The following ZCCHC24 variants were observed in gnomAD, a reference collection of about 807,000 sequenced individuals.
ZCCHC24 encodes zinc finger CCHC-type containing 24.
In ZCCHC24, 10 loss-of-function variants were observed where a neutral mutation model predicts 26.2. The ratio of observed to expected loss-of-function variants is 0.38; its 90% CI spans 0.24 to 0.65. ZCCHC24 has a LOEUF of 0.65. Among genes scored for constraint, ZCCHC24 ranks in the 30% least tolerant of loss-of-function variants. The pLI is 0.54. For synonymous variants in ZCCHC24, 144 were observed against 147.1 expected (o/e 0.98, Z 0.15); for missense variants, 243 against 329.1 (o/e 0.74, Z 2.03).
intron 1 of ZCCHC24, 62 bp from the exon 2 acceptor site, chr10:79,432,820 C>T (rs1256727715): frequency 5.9e-6 from 9 of 1,528,486 alleles, no homozygotes; most frequent in East Asian, 2.4e-5. Flanking sequence ...CATAACCCCC[C>T]ACCCAAACAC....
At chr10:79,426,647 C>T (rs191022877) in intron 2 of ZCCHC24, among the ~76,000 whole-genome samples, 157 of 151,870 alleles carry the variant, frequency 1.0e-3, no homozygotes, top group African/African-American at 3.5e-3. Flanking sequence ...ATAAGATAAG[C>T]CCTAGAGCAA....
intron 1 of ZCCHC24, among the ~76,000 whole-genome samples, chr10:79,433,465 C>T (rs1003436941): frequency 1.3e-5 from 2 of 152,240 alleles, no homozygotes; most frequent in Admixed American, 6.5e-5. Flanking sequence ...TCAAAGCAGA[C>T]GTGGCCCAGG....
intron 1 of ZCCHC24, among the ~76,000 whole-genome samples, chr10:79,434,842 A>C (rs1857192506): frequency 6.6e-6 from 1 of 152,198 alleles, no homozygotes; most frequent in Admixed American, 6.5e-5. Context: ...CAGCTCCAGA[A>C]CTTTTTCATC....
At chr10:79,436,579 G>A (rs901801746) in intron 1 of ZCCHC24, among the ~76,000 whole-genome samples, 3 of 152,154 alleles carry the variant, frequency 2.0e-5, no homozygotes, top group Non-Finnish European at 4.4e-5. Flanking sequence ...ATCTCTCCCC[G>A]TGTGTGAGGC....
chr10:79,414,312 G>T (rs988038275), intron 2 of ZCCHC24, among the ~76,000 whole-genome samples: 2 of 152,240 alleles, frequency 1.3e-5, no homozygotes, highest in African/African-American at 4.8e-5. Context: ...CAGACATGGA[G>T]AATCTTCATT....
At chr10:79,445,149 C>T (rs1382063680) in intron 1 of ZCCHC24, 46 bp downstream of exon 1, 2 of 836,192 alleles carry the variant, frequency 2.4e-6, no homozygotes, top group Non-Finnish European at 2.7e-6. Flanking sequence ...CACGGTGGGG[C>T]GGTGGGGCGG....
chr10:79,387,628 G>C (rs1022252772), intron 3 of ZCCHC24, among the ~76,000 whole-genome samples: 2 of 62,486 alleles, frequency 3.2e-5, no homozygotes, highest in African/African-American at 1.0e-4. Flanking sequence ...ACATGCCCAG[G>C]AGAGGGGGCA....
Position 79,424,833 on chromosome 10 carries a change from G to A in ZCCHC24, c.447+7725C>T, listed in dbSNP as rs189331809. 3.1e-3 allele frequency among the ~76,000 whole-genome samples: 479 copies of A among 152,286 alleles called. 3 individuals carry two copies. Among genetic ancestry groups the A allele is most frequent in the African/African-American group, 0.011 (471 of 41,558 alleles). Reference sequence around the variant, plus strand: ...GCATATTCCTGTTATTTACACGCTTGCTTGGAAGCCTTCCCCACTCCAAAT... The same window carrying A: ...GCATATTCCTGTTATTTACACGCTTACTTGGAAGCCTTCCCCACTCCAAAT... On this transcript the variant is annotated intron_variant, in intron 2 of 3. Coordinates refer to ENST00000372336, the MANE Select transcript of ZCCHC24 (RefSeq NM_153367.4).
At position 79,445,311 on chromosome 10, in the gene ZCCHC24, G is replaced by A; in HGVS notation, c.130C>T (p.Pro44Ser). Residue 44 changes from proline to serine, a missense_variant, in exon 1 of 4, where the codon CCG becomes TCG. By Grantham distance (74) the Pro-to-Ser change is moderately conservative. Coordinates refer to ENST00000372336, the MANE Select transcript of ZCCHC24 (RefSeq NM_153367.4). ...TCCGGGGGTGCGGCGCCGGCGGTCG[G>A]CTCGGGCCGGAAGGCATCGAAGGCG... The part of the protein sequence containing the change: ...ASAFDAFRPE[P>S]TAGAAPPELA... 1.3e-6 allele frequency: 2 copies of A among 1,502,130 alleles called. No homozygotes were observed. Among genetic ancestry groups the A allele is most frequent in the Non-Finnish European group, 1.8e-6 (2 of 1,125,992 alleles). The allele number at this position is 1,502,130 out of a possible 1,614,324, so 93.1% of individuals were successfully genotyped here.
intron 2 of ZCCHC24, among the ~76,000 whole-genome samples, chr10:79,428,647 G>A (rs1452208613): frequency 6.6e-6 from 1 of 152,054 alleles, no homozygotes; most frequent in Non-Finnish European, 1.5e-5. Context: ...GGAAATTAAT[G>A]AGATAAATAA....
chr10:79,405,430 G>A (rs954638914), intron 2 of ZCCHC24, among the ~76,000 whole-genome samples: 10 of 152,240 alleles, frequency 6.6e-5, no homozygotes, highest in Admixed American at 3.3e-4. Flanking sequence ...GTGGACAGCA[G>A]AAGTTAGGGC....
intron 2 of ZCCHC24, among the ~76,000 whole-genome samples, chr10:79,427,327 A>G (rs910247849): frequency 4.6e-5 from 7 of 152,248 alleles, no homozygotes; most frequent in Non-Finnish European, 1.0e-4. Context: ...AGACATCACT[A>G]TGAACCAACT....
intron 2 of ZCCHC24, among the ~76,000 whole-genome samples, chr10:79,402,214 G>C (rs1393472626): frequency 6.6e-6 from 1 of 152,248 alleles, no homozygotes; most frequent in Non-Finnish European, 1.5e-5. Flanking sequence ...ATAGAGGTCA[G>C]AGGTCCAGGT....
At chr10:79,424,554 C>G (rs988608227) in intron 2 of ZCCHC24, among the ~76,000 whole-genome samples, 1 of 152,334 alleles carries the variant, frequency 6.6e-6, no homozygotes, top group Admixed American at 6.5e-5. Context: ...GTCCAGTCAT[C>G]AGTCCCTATC....
chr10:79,432,169 A>G (rs1857139263), intron 2 of ZCCHC24, among the ~76,000 whole-genome samples: 1 of 152,330 alleles, frequency 6.6e-6, no homozygotes, highest in African/African-American at 2.4e-5. Flanking sequence ...CAGAGCCTGC[A>G]TTCCTTCCCC....
At chr10:79,407,597 G>A (rs1856736309) in intron 2 of ZCCHC24, among the ~76,000 whole-genome samples, 1 of 152,160 alleles carries the variant, frequency 6.6e-6, no homozygotes. Context: ...GACCCACCTA[G>A]GGAGCCACCG....
intron 3 of ZCCHC24, among the ~76,000 whole-genome samples, chr10:79,388,935 A>G (rs931326667): frequency 6.6e-6 from 1 of 152,166 alleles, no homozygotes; most frequent in African/African-American, 2.4e-5. Context: ...GTGGCTGGAA[A>G]GCCACACATG....
chr10:79,410,214 C>T (rs1856771892), intron 2 of ZCCHC24, among the ~76,000 whole-genome samples: 1 of 152,250 alleles, frequency 6.6e-6, no homozygotes, highest in South Asian at 2.1e-4. Flanking sequence ...CCATCCCTGA[C>T]AACTGTCTTT....
Position 79,403,554 on chromosome 10 carries a change from C to A in ZCCHC24, c.448-9114G>T, listed in dbSNP as rs1350109995. ...GAGGGACAGGTGGGCTGGGCCGCGGCCTGCAGGATGCTGGGAGGGAGGAAG... is the reference window on the plus strand; with the variant it reads ...GAGGGACAGGTGGGCTGGGCCGCGGACTGCAGGATGCTGGGAGGGAGGAAG... On this transcript the variant is annotated intron_variant, in intron 2 of 3. Transcript: ENST00000372336. The A allele has an allele frequency of 3.0e-6, 3 of 985,304 alleles. No homozygotes were observed. The African/African-American group carries it at 5.2e-5, about 17-fold the overall frequency. 61.0% of individuals were successfully genotyped at this position (985,304 alleles called of 1,614,324 possible).
Sources: allele counts gnomAD v4.1 joint callset (sites outside exome capture counted in the v4.1 genomes callset), GRCh38; gene constraint gnomAD v4.1.1; transcripts MANE v1.5; gene names NCBI Gene and HGNC (gene_info 2026-07-23, HGNC 2026-07-21).